Variants in PGF observed in about 807,000 individuals in gnomAD.
PGF encodes placental growth factor.
A neutral mutation model predicts 25.3 loss-of-function variants in PGF; 11 were observed. The ratio of observed to expected loss-of-function variants is 0.43; its 90% CI spans 0.27 to 0.72. PGF has a LOEUF of 0.72. Among genes scored for constraint, PGF ranks in the 30% least tolerant of loss-of-function variants. The probability of loss-of-function intolerance (pLI) is 0.18; values close to 1 mark genes in which losing one functional copy is unlikely to be tolerated. For synonymous variants in PGF, 105 were observed against 97.9 expected (o/e 1.07, Z -0.43); for missense variants, 230 against 234.9 (o/e 0.98, Z 0.14).
intron 4 of PGF, chr14:74,947,141 G>A: frequency 4.3e-6 from 2 of 461,118 alleles, no homozygotes; most frequent in Middle Eastern, 5.5e-4. Context: ...GGGCCTCTTG[G>A]GACTGTCTGG....
rs374159011 is a variant in PGF, at chr14:74,953,690, G to A, written c.118+214C>T. Among the ~76,000 whole-genome samples, 39 of 152,234 alleles carry A rather than the reference G, an allele frequency of 2.6e-4. No homozygotes were observed. In the South Asian group the frequency reaches 7.3e-3, roughly 28 times the overall value. ...TATACTGGCCCCAGCCCCACTCTCC[G>A]TGTGCTGGTGACTCCAGCCCACACC... On this transcript the variant is annotated intron_variant, in intron 2 of 6. Transcript: ENST00000555567. This position sits in a 1 kb window ranked among gnomAD's most constrained non-coding sequence, Gnocchi z 5.4.
At chr14:74,948,486 C>T in intron 4 of PGF, 21 bp downstream of exon 4, 1 of 1,522,906 alleles carries the variant, frequency 6.6e-7, no homozygotes, top group Non-Finnish European at 9.1e-7. Context: ...CCTTGCTACC[C>T]ACCCGACCCC....
In PGF at chr14:74,953,391, G is replaced by A. The variant is rs950018821; in HGVS notation, c.118+513C>T. 6.6e-6 allele frequency among the ~76,000 whole-genome samples: 1 copy of A among 152,194 alleles called. No homozygotes were observed. Among genetic ancestry groups the A allele is most frequent in the East Asian group, 1.9e-4 (1 of 5,202 alleles). ...GAAGACTCCCTCTTGATGCAACCAG[G>A]GCGGGGAGTGGAGGGGCCAGGGAGG... On this transcript the variant is annotated intron_variant, in intron 2 of 6. Transcript: ENST00000555567. The surrounding 1 kb of genome is among the most constrained non-coding windows in gnomAD (Gnocchi z 5.4).
At chr14:74,948,657 G>A in intron 3 of PGF, 74 bp from the exon 4 acceptor site, 6 of 934,676 alleles carry the variant, frequency 6.4e-6, no homozygotes, top group South Asian at 1.5e-5. Context: ...CTCTCTCCTT[G>A]TAAGGAGAAC....
chr14:74,949,310 T>C (rs778192068), intron 3 of PGF, 47 bp downstream of exon 3: 3 of 1,404,272 alleles, frequency 2.1e-6, no homozygotes, highest in Non-Finnish European at 2.9e-6. Context: ...TCCAGGTACC[T>C]TCTAGTGGGC....
chr14:74,948,364 T>C, intron 4 of PGF, 143 bp downstream of exon 4: 1 of 533,474 alleles, frequency 1.9e-6, no homozygotes, highest in Non-Finnish European at 3.4e-6. Flanking sequence ...GGTCCTGCCC[T>C]CTTGGTCTCC....
intron 4 of PGF, 41 bp from the exon 5 acceptor site, chr14:74,946,449 A>G (rs1464391213): frequency 2.5e-6 from 4 of 1,576,654 alleles, no homozygotes; most frequent in South Asian, 1.2e-5. Flanking sequence ...GAACGTTAGG[A>G]AAGCAATAAG....
chr14:74,946,638 C>G (rs936414405), intron 4 of PGF: 14 of 640,580 alleles, frequency 2.2e-5, no homozygotes, highest in Non-Finnish European at 4.0e-5. Context: ...AAATCAACCT[C>G]CTGGGGACCC....
chr14:74,949,889 C>T (rs536781186), intron 2 of PGF, among the ~76,000 whole-genome samples: 37 of 152,326 alleles, frequency 2.4e-4, no homozygotes, highest in Non-Finnish European at 4.9e-4. Flanking sequence ...AAGCCTGACC[C>T]GGTGCTTCCT....
rs1285780828 is a variant in PGF, at chr14:74,949,415, C to T, written c.257G>A (p.Cys86Tyr). Residue 86 changes from cysteine to tyrosine, a missense_variant, in exon 3 of 7, where the codon TGC (cysteine) becomes TAC (tyrosine). By Grantham distance (194) the Cys-to-Tyr change is radical. Coordinates refer to ENST00000555567, the MANE Select transcript of PGF (RefSeq NM_002632.6). ...SCVSLLRCTG[C>Y]CGDENLHCVP... is the part of the protein sequence containing the mutation. ...ACAGTGCAGATTCTCATCGCCGCAG[C>T]AGCCGGTGCAGCGCAGCAGGGAGAC... 6.2e-7 allele frequency: 1 copy of T among 1,608,052 alleles called. No individual in the cohort carries two copies. The highest frequency in any genetic ancestry group is 1.7e-5 in the Admixed American group (1 of 59,012).
At chr14:74,952,615 G>A (rs142867166) in intron 2 of PGF, among the ~76,000 whole-genome samples, 1 of 152,366 alleles carries the variant, frequency 6.6e-6, no homozygotes, top group East Asian at 1.9e-4. Context: ...GTGTTAACAG[G>A]TGGGGATGCC....
At position 74,955,084 on chromosome 14, in the gene PGF, T is replaced by C. The variant is rs1888955572; in HGVS notation, c.75+84A>G. 2 of 670,418 alleles carry C rather than the reference T, an allele frequency of 3.0e-6. No homozygotes were observed. The highest frequency in any genetic ancestry group is 4.6e-6 in the Non-Finnish European group (2 of 436,798). 41.5% of individuals were successfully genotyped at this position (670,418 alleles called of 1,614,324 possible). A position where few individuals can be genotyped will look rare whatever the true frequency, so the allele number is the denominator to read the frequency against. On this transcript the variant is annotated intron_variant, in intron 1 of 6. Transcript: ENST00000555567. This position sits in a 1 kb window ranked among gnomAD's most constrained non-coding sequence, Gnocchi z 4.1. The stretch of plus-strand genomic sequence containing the variant: ...TCCTTGGAGTTGCTGCTCCCTGGAG[T>C]GGGTCTGTGATTTCAGAGTCCCATG...
At chr14:74,952,994 A>C (rs151076102) in intron 2 of PGF, among the ~76,000 whole-genome samples, 174 of 152,278 alleles carry the variant, frequency 1.1e-3, no homozygotes, top group Middle Eastern at 3.4e-3. Flanking sequence ...CAAGGAGCAT[A>C]ATGTTGTGCT....
intron 2 of PGF, among the ~76,000 whole-genome samples, chr14:74,951,651 C>G (rs922152926): frequency 3.3e-5 from 5 of 152,218 alleles, no homozygotes; most frequent in African/African-American, 1.2e-4. Context: ...GCAGAACTGG[C>G]TGGGCCTCGG....
intron 6 of PGF, among the ~76,000 whole-genome samples, chr14:74,943,959 G>C (rs938278237): frequency 1.3e-5 from 2 of 151,588 alleles, no homozygotes; most frequent in Non-Finnish European, 2.9e-5. Flanking sequence ...AAAGACTTCT[G>C]AAAATTAAAA....
chr14:74,952,180 G>C (rs28444459), intron 2 of PGF, among the ~76,000 whole-genome samples: 4,946 of 152,314 alleles, frequency 0.032, 270 homozygotes, highest in African/African-American at 0.11. Context: ...TGGGATGGGG[G>C]AGACCCCAGG....
intron 6 of PGF, 137 bp downstream of exon 6, chr14:74,946,076 G>C: frequency 1.4e-6 from 1 of 710,264 alleles, no homozygotes. Context: ...AGAGTCTTGA[G>C]GAGGTGCAGC....
chr14:74,949,340 G>A lies in PGF; in HGVS notation c.315+17C>T, dbSNP rs143326034. On this transcript the variant is annotated intron_variant, in intron 3 of 6. Transcript: ENST00000555567. Reference sequence around the variant, plus strand: ...GTGGGCAGATTCGGTGGCCCCCTGGGCAGGGTATGGACCTACCTGCATGGT... The same window carrying A: ...GTGGGCAGATTCGGTGGCCCCCTGGACAGGGTATGGACCTACCTGCATGGT... 1.5e-4 allele frequency: 222 copies of A among 1,482,846 alleles called. 2 individuals carry two copies. In the East Asian group the frequency reaches 4.6e-3, roughly 31 times the overall value. 91.9% of individuals were successfully genotyped at this position (1,482,846 alleles called of 1,614,324 possible). A position where few individuals can be genotyped will look rare whatever the true frequency, so the allele number is the denominator to read the frequency against.
Position 74,942,564 on chromosome 14 carries a change from C to T in PGF, c.*142G>A. The T allele has an allele frequency of 1.2e-6, 1 of 800,616 alleles. No homozygotes were observed. The highest frequency in any genetic ancestry group is 2.1e-6 in the Non-Finnish European group (1 of 474,420). The allele number at this position is 800,616 out of a possible 1,614,324, so 49.6% of individuals were successfully genotyped here. A position where few individuals can be genotyped will look rare whatever the true frequency, so the allele number is the denominator to read the frequency against. On this transcript the variant is annotated 3_prime_UTR_variant, in exon 7 of 7. Coordinates refer to ENST00000555567, the MANE Select transcript of PGF (RefSeq NM_002632.6). ...CTGAGGGTCCTGTCCTTCCCTGCCC[C>T]TCGTCTTGAAGGGAGCGAGGCATTC...
Sources: gnomAD v4.1 joint callset for allele counts (sites outside exome capture counted in the v4.1 genomes callset) on GRCh38, gnomAD v4.1.1 for gene constraint, Gnocchi (gnomAD v3.1) non-coding constraint, MANE v1.5 for transcripts, NCBI Gene and HGNC (gene_info 2026-07-23, HGNC 2026-07-21) for gene names.